Variants in PTBP1 observed in about 807,000 individuals in gnomAD.
PTBP1 encodes the protein polypyrimidine tract-binding protein 1.
Under a neutral mutation model 59.8 loss-of-function variants are expected in PTBP1, and 8 were observed. The observed-to-expected ratio is 0.13, with a 90% CI of 0.08 to 0.24. PTBP1 has a LOEUF of 0.24. Ranked by LOEUF, PTBP1 falls within the 10% of genes least tolerant of loss-of-function variation. The pLI is 1.00. For missense variants in PTBP1, 686 were observed against 767.0 expected, an observed-to-expected ratio of 0.89 and a Z score of 1.25; for synonymous variants, 490 against 320.7, an observed-to-expected ratio of 1.53 and a Z score of -5.64.
At position 797,614 on chromosome 19, in the gene PTBP1, G is replaced by A. The variant is rs1427651363; in HGVS notation, c.8+109G>A. ...GATCTCGCCCCCTCTCGGGCGGGAG[G>A]GGGCGGCGGGCTCTCCCCTTCCTCT... On this transcript the variant is annotated intron_variant, in intron 1 of 14. Coordinates refer to ENST00000356948, the MANE Select transcript of PTBP1 (RefSeq NM_002819.5). 13 of 714,478 alleles carry A rather than the reference G, an allele frequency of 1.8e-5. No individual in the cohort carries two copies. The Admixed American group carries it at 4.7e-4, about 26-fold the overall frequency. 44.3% of individuals were successfully genotyped at this position (714,478 alleles called of 1,614,324 possible). A position where few individuals can be genotyped will look rare whatever the true frequency, so the allele number is the denominator to read the frequency against.
intron 13 of PTBP1, among the ~76,000 whole-genome samples, chr19:809,587 T>C (rs2034758843): frequency 6.6e-6 from 1 of 152,178 alleles, no homozygotes; most frequent in African/African-American, 2.4e-5. Context: ...CCCAAAGTGC[T>C]GGGATAACAG....
intron 10 of PTBP1, chr19:807,580 G>C: frequency 2.6e-6 from 1 of 388,288 alleles, no homozygotes; most frequent in South Asian, 6.9e-5. Flanking sequence ...TTTTTTTCTT[G>C]CCCTGATCCG....
chr19:806,364 G>A (rs372342886), intron 9 of PTBP1, 44 bp from the exon 10 acceptor site: 238 of 1,564,020 alleles, frequency 1.5e-4, no homozygotes, highest in Admixed American at 3.2e-4. Context: ...ACTCTGCGGT[G>A]GAGTCGGGGG....
At chr19:803,754 C>G in intron 3 of PTBP1, 118 bp downstream of exon 3, 1 of 957,692 alleles carries the variant, frequency 1.0e-6, no homozygotes, top group Non-Finnish European at 1.6e-6. Flanking sequence ...ATGGTCCACG[C>G]TACAGACCCA....
intron 2 of PTBP1, 117 bp downstream of exon 2, chr19:799,560 A>G: frequency 9.9e-7 from 1 of 1,005,788 alleles, no homozygotes; most frequent in Non-Finnish European, 1.6e-6. Flanking sequence ...CCTAAGGGGC[A>G]CTACCCTTGG....
intron 3 of PTBP1, 81 bp downstream of exon 3, chr19:803,717 A>G (rs1335833263): frequency 1.6e-6 from 2 of 1,283,494 alleles, no homozygotes; most frequent in East Asian, 2.3e-5. Context: ...CTGGGACTCT[A>G]CTTTCCATCT....
rs351981 is a variant in PTBP1, at chr19:804,079, T to C, written c.159T>C (p.Ser53=). The change falls in exon 4 of 15, where the codon AGT becomes AGC. Residue 53 remains serine, a synonymous_variant. Transcript: ENST00000356948. ...DSKKFKGDSR[S]AGVPSRVIHI... ...AGAAGTTCAAAGGTGACAGCCGAAG[T>C]GCAGGCGTCCCCTCTAGAGTGATCC... 0.068 allele frequency: 110,133 copies of C among 1,613,822 alleles called. 6,623 individuals carry two copies. The highest frequency in any genetic ancestry group is 0.32 in the African/African-American group (23,791 of 74,918).
chr19:798,965 T>TG (rs374190226), intron 1 of PTBP1, among the ~76,000 whole-genome samples: 20 of 152,368 alleles, frequency 1.3e-4, no homozygotes, highest in African/African-American at 4.3e-4. Context: ...GGCACCCTCT[T>TG]GGGGGCCCAC....
At chr19:802,700 A>C (rs999666113) in intron 2 of PTBP1, among the ~76,000 whole-genome samples, 5 of 152,140 alleles carry the variant, frequency 3.3e-5, no homozygotes, top group African/African-American at 9.7e-5. Flanking sequence ...TTTCTGTGTA[A>C]CTAAGGGCCG....
chr19:805,969 C>T (rs1054753821), intron 9 of PTBP1: 2 of 258,006 alleles, frequency 7.8e-6, no homozygotes, highest in East Asian at 1.1e-4. Flanking sequence ...GCCGTCCTCC[C>T]GCTTCCCTTC....
intron 13 of PTBP1, among the ~76,000 whole-genome samples, chr19:809,102 G>C (rs1254822965): frequency 6.6e-6 from 1 of 151,776 alleles, no homozygotes; most frequent in African/African-American, 2.4e-5. Flanking sequence ...TCCGCCTCTT[G>C]GGTTCAAGTG....
At chr19:799,469 C>CGT (rs2034235288) in intron 2 of PTBP1, 26 bp downstream of exon 2, 4 of 1,612,344 alleles carry the variant, frequency 2.5e-6, no homozygotes, top group African/African-American at 1.3e-5. Flanking sequence ...TTTGCTTCTC[C>CGT]GTGACGCTCC....
chr19:811,500 CTTT>C lies in PTBP1; in HGVS notation c.*678_*680del, dbSNP rs977884378. On this transcript the variant is annotated 3_prime_UTR_variant, in exon 15 of 15. Coordinates refer to ENST00000356948, the MANE Select transcript of PTBP1 (RefSeq NM_002819.5). ...TTTCCAGTTGACCAAATATTCTAATCTTTTTTCATTTATATGCAAAAGAAATAG... is the reference window on the plus strand; with the variant it reads ...TTTCCAGTTGACCAAATATTCTAATCTTTCATTTATATGCAAAAGAAATAG... The C allele has an allele frequency of 6.6e-6, 1 of 152,472 alleles. No homozygotes were observed. Among genetic ancestry groups the C allele is most frequent in the Admixed American group, 6.5e-5 (1 of 15,290 alleles). 9.4% of individuals were successfully genotyped at this position (152,472 alleles called of 1,614,324 possible). A position where few individuals can be genotyped will look rare whatever the true frequency, so the allele number is the denominator to read the frequency against.
Position 808,058 on chromosome 19 carries a change from T to A in PTBP1, c.1153+156T>A. 1 of 738,496 alleles carries A rather than the reference T, an allele frequency of 1.4e-6. No individual in the cohort carries two copies. Among genetic ancestry groups the A allele is most frequent in the Non-Finnish European group, 2.4e-6 (1 of 417,256 alleles). 45.7% of individuals were successfully genotyped at this position (738,496 alleles called of 1,614,324 possible). On this transcript the variant is annotated intron_variant, in intron 11 of 14. Transcript: ENST00000356948. The surrounding 1 kb of genome is among the most constrained non-coding windows in gnomAD (Gnocchi z 4.7). ...CTTTCGGTTTGCGAATTTTATTTGG[T>A]CCCGTAGATACGTACGCATGGTTTA...
intron 3 of PTBP1, 64 bp from the exon 4 acceptor site, chr19:803,969 TAGC>T (rs2034448789): frequency 6.3e-7 from 1 of 1,584,322 alleles, no homozygotes; most frequent in African/African-American, 1.3e-5. Context: ...TCTAGGGGGA[TAGC>T]AGGGACCTTC....
rs2034711925 is a variant in PTBP1, at chr19:808,881, AC to A, written c.1463+123del. 2.1e-6 allele frequency: 2 copies of A among 933,950 alleles called. No individual in the cohort carries two copies. Among genetic ancestry groups the A allele is most frequent in the Admixed American group, 2.2e-5 (1 of 45,542 alleles). The allele number at this position is 933,950 out of a possible 1,614,324, so 57.9% of individuals were successfully genotyped here. ...CCAGAGTGCAGGTCGGGCACCTCTT[AC>A]CCCAAACCTGAAGTACTGCAAGGCC... On this transcript the variant is annotated intron_variant, in intron 13 of 14. Coordinates refer to ENST00000356948, the MANE Select transcript of PTBP1 (RefSeq NM_002819.5). This position sits in a 1 kb window ranked among gnomAD's most constrained non-coding sequence, Gnocchi z 4.7.
intron 1 of PTBP1, among the ~76,000 whole-genome samples, chr19:797,976 C>A (rs1341534223): frequency 1.3e-5 from 2 of 149,714 alleles, no homozygotes; most frequent in Non-Finnish European, 3.0e-5. Flanking sequence ...GCCTTTCCCG[C>A]CGCCCGGACT....
intron 13 of PTBP1, 62 bp from the exon 14 acceptor site, chr19:810,480 CG>C: frequency 1.4e-6 from 2 of 1,443,982 alleles, no homozygotes; most frequent in Non-Finnish European, 9.6e-7. Context: ...GAAAGCCTCG[CG>C]GACCTGACTG....
chr19:797,541 C>T (rs770781364), intron 1 of PTBP1, 36 bp downstream of exon 1: 1 of 1,473,282 alleles, frequency 6.8e-7, no homozygotes, highest in South Asian at 1.3e-5. Context: ...CACCGCCCTC[C>T]CCGCGCCGCA....
Sources: gnomAD v4.1 joint callset for allele counts (sites outside exome capture counted in the v4.1 genomes callset) on GRCh38, gnomAD v4.1.1 for gene constraint, Gnocchi (gnomAD v3.1) non-coding constraint, MANE v1.5 for transcripts, NCBI Gene and HGNC (gene_info 2026-07-23, HGNC 2026-07-21) for gene names.